The following BIVM variants were observed in gnomAD, a reference collection of about 807,000 sequenced individuals.
BIVM encodes basic immunoglobulin-like variable motif-containing protein.
A neutral mutation model predicts 61.4 loss-of-function variants in BIVM; 31 were observed. The observed-to-expected ratio is 0.51, with a 90% confidence interval of 0.38 to 0.68. The LOEUF (loss-of-function observed/expected upper bound fraction) is 0.68, where lower values mean the gene tolerates loss of function less well. BIVM is among the 30% of genes least tolerant of loss of function. The pLI, the probability that BIVM is intolerant of heterozygous loss-of-function variation, is 0.00. For missense variants in BIVM, 526 were observed against 596.0 expected (o/e 0.88, Z 1.22); for synonymous variants, 189 against 210.7 (o/e 0.90, Z 0.89).
At chr13:102,803,720 C>T (rs750471352) in intron 1 of BIVM, among the ~76,000 whole-genome samples, 1 of 151,996 alleles carries the variant, frequency 6.6e-6, no homozygotes, top group Non-Finnish European at 1.5e-5. Flanking sequence ...TCTTTCATTC[C>T]TCACCTCGCA....
chr13:102,813,607 C>T (rs936277103), intron 3 of BIVM, among the ~76,000 whole-genome samples: 1 of 152,104 alleles, frequency 6.6e-6, no homozygotes, highest in African/African-American at 2.4e-5. Context: ...GAGAATGAGT[C>T]ATATTTTTCA....
At chr13:102,830,924 G>A (rs950175294) in intron 7 of BIVM, among the ~76,000 whole-genome samples, 1 of 152,136 alleles carries the variant, frequency 6.6e-6, no homozygotes. Flanking sequence ...CATCCTCCCA[G>A]CACGCAGGCC....
intron 10 of BIVM, 92 bp from the exon 11 acceptor site, chr13:102,839,479 GT>G (rs772058523): frequency 4.5e-5 from 67 of 1,500,296 alleles, no homozygotes; most frequent in Non-Finnish European, 5.7e-5. Context: ...GGCCGGTGAA[GT>G]AAAAAAAGAA....
chr13:102,828,124 G>T (rs1880802665), intron 7 of BIVM, among the ~76,000 whole-genome samples: 1 of 152,150 alleles, frequency 6.6e-6, no homozygotes, highest in Admixed American at 6.5e-5. Flanking sequence ...CTTAGTAACT[G>T]TAAACTAAGC....
rs145122592 is a variant in BIVM at position 102,810,941 on chromosome 13, G to A, written c.478+3196G>A. Among the ~76,000 whole-genome samples the A allele has an allele frequency of 2.8e-3, 430 of 152,186 alleles. 1 individual carries two copies. Among genetic ancestry groups the A allele is most frequent in the African/African-American group, 0.01 (420 of 41,510 alleles). On this transcript the variant is annotated intron_variant, in intron 3 of 10. Transcript: ENST00000257336. ...AGATAGAGTCTCACTATGTTGCCAG[G>A]GGTGGTCTTGAACTCCTGGGCTCAA...
chr13:102,804,398 C>T (rs1038426862), intron 1 of BIVM, among the ~76,000 whole-genome samples: 2 of 152,206 alleles, frequency 1.3e-5, no homozygotes, highest in Non-Finnish European at 2.9e-5. Context: ...GCAACCTCCA[C>T]CTCCTGGGTT....
chr13:102,838,666 T>C lies in BIVM; in HGVS notation c.1145T>C (p.Leu382Pro). 1 of 1,613,342 alleles carries C rather than the reference T, an allele frequency of 6.2e-7. No homozygotes were observed. Among genetic ancestry groups the C allele is most frequent in the Non-Finnish European group, 8.5e-7 (1 of 1,179,574 alleles). Reference protein sequence around the residue: ...CKKWADIVTDLNTQNPEYLDI... With the variant: ...CKKWADIVTDPNTQNPEYLDI... ...AGATGGGCAGATATTGTTACTGATCTAAACACTCAAAATCCAGAATACCTG... is the reference window on the plus strand; with the variant it reads ...AGATGGGCAGATATTGTTACTGATCCAAACACTCAAAATCCAGAATACCTG... The change falls in exon 10 of 11, where the codon CTA (leucine) becomes CCA (proline). Residue 382 changes from leucine (L) to proline (P), a missense_variant. By Grantham distance (98) the Leu-to-Pro change is moderately conservative. Coordinates refer to ENST00000257336, the MANE Select transcript of BIVM (RefSeq NM_017693.4).
At chr13:102,802,745 CTTTT>C (rs35905954) in intron 1 of BIVM, among the ~76,000 whole-genome samples, 5 of 132,120 alleles carry the variant, frequency 3.8e-5, no homozygotes, top group Non-Finnish European at 4.8e-5. Context: ...TCTCTCTTTC[CTTTT>C]TTTTTTTTTT....
At chr13:102,833,195 C>T (rs9557941) in intron 8 of BIVM, among the ~76,000 whole-genome samples, 91,881 of 151,398 alleles carry the variant, frequency 0.61, 28,692 homozygotes, top group Middle Eastern at 0.7. Flanking sequence ...GAACATGCCA[C>T]TGCACTCCAG....
chr13:102,802,296 G>T (rs1030728800), intron 1 of BIVM, among the ~76,000 whole-genome samples: 1 of 152,154 alleles, frequency 6.6e-6, no homozygotes, highest in African/African-American at 2.4e-5. Flanking sequence ...AATAAATTGT[G>T]CTTAGTGTAC....
At chr13:102,811,090 A>G in intron 3 of BIVM, among the ~76,000 whole-genome samples, 1 of 152,334 alleles carries the variant, frequency 6.6e-6, no homozygotes, top group East Asian at 1.9e-4. Context: ...CATAAATCAT[A>G]TAGAATACAA....
chr13:102,833,733 A>C (rs1881279099), intron 8 of BIVM, among the ~76,000 whole-genome samples: 1 of 152,196 alleles, frequency 6.6e-6, no homozygotes, highest in Non-Finnish European at 1.5e-5. Flanking sequence ...ACCTGGGAGA[A>C]CCAGGAAGCT....
chr13:102,828,868 A>G (rs1025560624), intron 7 of BIVM, among the ~76,000 whole-genome samples: 55 of 152,286 alleles, frequency 3.6e-4, no homozygotes, highest in African/African-American at 1.2e-3. Context: ...TTCTCTACTA[A>G]GAATACAAAA....
Position 102,838,655 on chromosome 13 carries a change from T to G in BIVM, c.1134T>G (p.Ile378Met), listed in dbSNP as rs760069967. Reference protein sequence around the residue: ...PAIHCKKWADIVTDLNTQNPE... With the variant: ...PAIHCKKWADMVTDLNTQNPE... Reference sequence around the variant, plus strand: ...TTCTTAACTATAGATGGGCAGATATTGTTACTGATCTAAACACTCAAAATC... The same window carrying G: ...TTCTTAACTATAGATGGGCAGATATGGTTACTGATCTAAACACTCAAAATC... The change falls in exon 10 of 11, where the codon ATT becomes ATG. Residue 378 changes from isoleucine to methionine, a missense_variant. Physicochemically the swap from Ile to Met is conservative, Grantham distance 10. This residue lies in a region of BIVM where 210 missense variants were observed against 233.1 expected (regional missense o/e 0.90). Coordinates refer to ENST00000257336, the MANE Select transcript of BIVM (RefSeq NM_017693.4). 1 of 1,610,738 alleles carries G rather than the reference T, an allele frequency of 6.2e-7. No homozygotes were observed. The highest frequency in any genetic ancestry group is 8.5e-7 in the Non-Finnish European group (1 of 1,178,250).
intron 1 of BIVM, chr13:102,800,657 G>C (rs1466591888): frequency 6.6e-6 from 1 of 152,342 alleles, no homozygotes; most frequent in Non-Finnish European, 1.5e-5. Context: ...CCAGGGGCGC[G>C]GGCTGGAGGC....
chr13:102,831,753 G>A (rs534799597), intron 8 of BIVM, 56 bp downstream of exon 8: 2 of 1,592,346 alleles, frequency 1.3e-6, no homozygotes, highest in Admixed American at 3.5e-5. Context: ...AAAATAGATG[G>A]GTGCGGTAGC....
intron 9 of BIVM, among the ~76,000 whole-genome samples, chr13:102,835,046 T>C (rs551625320): frequency 1.3e-5 from 2 of 152,262 alleles, no homozygotes; most frequent in Admixed American, 1.3e-4. Context: ...AAACAAATTA[T>C]ATAAAAATTT....
At chr13:102,838,365 T>C (rs1026348597) in intron 9 of BIVM, among the ~76,000 whole-genome samples, 2 of 152,240 alleles carry the variant, frequency 1.3e-5, no homozygotes, top group Non-Finnish European at 2.9e-5. Context: ...ATATTGCTGC[T>C]TTAGCATGCA....
rs750147997 is a variant in BIVM at position 102,807,825 on chromosome 13, C to G, written c.478+80C>G. 38 of 1,406,640 alleles carry G rather than the reference C, an allele frequency of 2.7e-5. 1 individual carries two copies. Among genetic ancestry groups the G allele is most frequent in the Non-Finnish European group, 3.5e-5 (37 of 1,046,384 alleles). 87.1% of individuals were successfully genotyped at this position (1,406,640 alleles called of 1,614,324 possible). A position where few individuals can be genotyped will look rare whatever the true frequency, so the allele number is the denominator to read the frequency against. On this transcript the variant is annotated intron_variant, in intron 3 of 10. Transcript: ENST00000257336. The surrounding 1 kb of genome is among the most constrained non-coding windows in gnomAD (Gnocchi z 4.0). ...TGTCTTGTTTAATCTTGCCATTACA[C>G]ATAGTTTCCTTGTATAATACTAGAT...
Sources: gnomAD v4.1 joint callset for allele counts (sites outside exome capture counted in the v4.1 genomes callset) on GRCh38, gnomAD v4.1.1 for gene constraint, gnomAD v4.1.1 regional missense constraint, Gnocchi (gnomAD v3.1) non-coding constraint, MANE v1.5 for transcripts, NCBI Gene and HGNC (gene_info 2026-07-23, HGNC 2026-07-21) for gene names.